Variants in STIM1 observed in about 807,000 individuals in gnomAD.
STIM1 encodes stromal interaction molecule 1.
In STIM1, 25 loss-of-function variants were observed where a neutral mutation model predicts 74.7. That is an observed-to-expected ratio of 0.33 (90% CI 0.24 to 0.47). The LOEUF (loss-of-function observed/expected upper bound fraction) is 0.47. Ranked by LOEUF, STIM1 falls within the 20% of genes least tolerant of loss-of-function variation. The probability of loss-of-function intolerance (pLI) is 1.00; values close to 1 mark genes in which losing one functional copy is unlikely to be tolerated. For missense variants in STIM1, 728 were observed against 920.8 expected (o/e 0.79, Z 2.71); for synonymous variants, 328 against 348.8 (o/e 0.94, Z 0.66).
rs533707482 is a variant in STIM1 at position 3,935,666 on chromosome 11, A to G, written c.140-31886A>G. Among the ~76,000 whole-genome samples, 150 of 152,346 alleles carry G rather than the reference A, an allele frequency of 9.8e-4. 1 individual carries two copies. Among genetic ancestry groups the G allele is most frequent in the Non-Finnish European group, 1.9e-3 (127 of 68,024 alleles). ...ATGATTCCTGTGGTTCGATTTTCCC[A>G]GTGTTAAATGCAACCTTGGCTGGAG... On this transcript the variant is annotated intron_variant, in intron 1 of 12. Coordinates refer to ENST00000526596, the MANE Select transcript of STIM1 (RefSeq NM_001382567.1).
chr11:4,046,548 T>C (rs1008051007), intron 3 of STIM1, among the ~76,000 whole-genome samples: 15 of 152,226 alleles, frequency 9.9e-5, no homozygotes, highest in Admixed American at 5.9e-4. Context: ...CATTAAGAGA[T>C]TGGAGCATTC....
At chr11:3,986,225 G>C (rs1022107739) in intron 2 of STIM1, among the ~76,000 whole-genome samples, 1 of 152,194 alleles carries the variant, frequency 6.6e-6, no homozygotes, top group African/African-American at 2.4e-5. Context: ...TGCTCTGGAA[G>C]TACAGAAAAG....
intron 2 of STIM1, chr11:3,974,198 C>T: frequency 3.9e-6 from 2 of 515,330 alleles, no homozygotes; most frequent in Non-Finnish European, 7.0e-6. Context: ...AGAACTTCTA[C>T]AGCTGTTGGG....
chr11:3,891,230 A>C (rs555423528), intron 1 of STIM1, among the ~76,000 whole-genome samples: 1 of 152,218 alleles, frequency 6.6e-6, no homozygotes, highest in African/African-American at 2.4e-5. Flanking sequence ...CTAATTAGAA[A>C]TTTCATGTTC....
chr11:4,052,608 C>A (rs1368292131), intron 3 of STIM1, among the ~76,000 whole-genome samples: 1 of 152,170 alleles, frequency 6.6e-6, no homozygotes, highest in South Asian at 2.1e-4. Context: ...TAAAAACTTA[C>A]ATGTTAGACC....
Position 4,091,341 on chromosome 11 carries a change from C to A in STIM1, c.1694C>A (p.Ala565Asp). 1 of 1,614,198 alleles carries A rather than the reference C, an allele frequency of 6.2e-7. No homozygotes were observed. The highest frequency in any genetic ancestry group is 8.5e-7 in the Non-Finnish European group (1 of 1,180,030). ...CACATGAGTGACCGCCAGCGTGTGGCCCCCAAACCTCCTCAGATGAGCCGT... is the reference window on the plus strand; with the variant it reads ...CACATGAGTGACCGCCAGCGTGTGGACCCCAAACCTCCTCAGATGAGCCGT... ...SLHMSDRQRVAPKPPQMSRAA... is the reference protein window; with the variant it reads ...SLHMSDRQRVDPKPPQMSRAA... Residue 565 changes from alanine to aspartate, a missense_variant, in exon 13 of 13, where the codon GCC becomes GAC. This residue lies in a region of STIM1 where 352 missense variants were observed against 370.1 expected (regional missense o/e 0.95). Coordinates refer to ENST00000526596, the MANE Select transcript of STIM1 (RefSeq NM_001382567.1).
chr11:4,026,547 A>G (rs2093999292), intron 3 of STIM1, among the ~76,000 whole-genome samples: 1 of 152,210 alleles, frequency 6.6e-6, no homozygotes, highest in African/African-American at 2.4e-5. Context: ...CTCACTTCAG[A>G]CATCAGCCAT....
intron 2 of STIM1, among the ~76,000 whole-genome samples, chr11:4,017,371 C>A (rs1412955612): frequency 6.6e-6 from 1 of 152,184 alleles, no homozygotes; most frequent in Non-Finnish European, 1.5e-5. Context: ...TGTTTTCTGA[C>A]CCTACTTGTT....
intron 3 of STIM1, among the ~76,000 whole-genome samples, chr11:4,041,544 T>A (rs2094147324): frequency 6.6e-6 from 1 of 152,148 alleles, no homozygotes; most frequent in Non-Finnish European, 1.5e-5. Flanking sequence ...GCCCATGGTC[T>A]TACATCTAGT....
chr11:4,052,239 A>C (rs938174739), intron 3 of STIM1, among the ~76,000 whole-genome samples: 2 of 152,236 alleles, frequency 1.3e-5, no homozygotes, highest in African/African-American at 4.8e-5. Context: ...ATTTTTTCAC[A>C]GAATTGGAAA....
intron 2 of STIM1, among the ~76,000 whole-genome samples, chr11:3,974,589 G>T (rs1182520574): frequency 2.7e-5 from 4 of 150,712 alleles, no homozygotes; most frequent in African/African-American, 9.7e-5. Context: ...TAAAAGAAAA[G>T]AAAAATATAT....
At chr11:4,079,270 G>A (rs1351789901) in intron 7 of STIM1, among the ~76,000 whole-genome samples, 1 of 151,890 alleles carries the variant, frequency 6.6e-6, no homozygotes, top group Admixed American at 6.6e-5. Flanking sequence ...TCCAGCCTGG[G>A]TGACAGAGCA....
At chr11:4,006,690 A>T (rs1190699408) in intron 2 of STIM1, among the ~76,000 whole-genome samples, 2 of 152,218 alleles carry the variant, frequency 1.3e-5, no homozygotes, top group Non-Finnish European at 2.9e-5. Context: ...CTGGGATTAC[A>T]GGTGTGAGCC....
intron 2 of STIM1, among the ~76,000 whole-genome samples, chr11:4,001,740 T>G: frequency 6.7e-6 from 1 of 150,372 alleles, no homozygotes; most frequent in Non-Finnish European, 1.5e-5. Context: ...ATAACAATAT[T>G]AACTTTAAAT....
intron 1 of STIM1, among the ~76,000 whole-genome samples, chr11:3,905,536 C>T (rs1565110047): frequency 2.0e-5 from 3 of 152,044 alleles, no homozygotes; most frequent in Admixed American, 1.3e-4. Flanking sequence ...AGCCTGCGGT[C>T]ACTAGAGCAT....
intron 2 of STIM1, among the ~76,000 whole-genome samples, chr11:3,985,143 CG>C (rs1565137076): frequency 1.3e-5 from 2 of 152,142 alleles, no homozygotes; most frequent in African/African-American, 4.8e-5. Context: ...GAAAACCCGA[CG>C]GTGGCTTGCT....
At chr11:3,939,728 T>C (rs1224126197) in intron 1 of STIM1, among the ~76,000 whole-genome samples, 1 of 152,218 alleles carries the variant, frequency 6.6e-6, no homozygotes, top group Non-Finnish European at 1.5e-5. Flanking sequence ...ATTTGTTAAA[T>C]AAATGAATGA....
chr11:3,921,624 C>A lies in STIM1; in HGVS notation c.140-45928C>A, dbSNP rs981272679. ...TGGTTTTAAAATATGTCCACAAATT[C>A]TTTGATACTCTTTCCATCAAGGGGT... On this transcript the variant is annotated intron_variant, in intron 1 of 12. Transcript: ENST00000526596. 4.6e-5 allele frequency among the ~76,000 whole-genome samples: 7 copies of A among 152,068 alleles called. No homozygotes were observed. The East Asian group carries it at 1.3e-3, about 29-fold the overall frequency.
chr11:3,968,782 G>C (rs2093364024), intron 2 of STIM1, among the ~76,000 whole-genome samples: 1 of 152,178 alleles, frequency 6.6e-6, no homozygotes, highest in African/African-American at 2.4e-5. Flanking sequence ...CTTAAGTAAT[G>C]ATGATAGTAA....
Sources: allele counts gnomAD v4.1 joint callset (sites outside exome capture counted in the v4.1 genomes callset), GRCh38; gene constraint gnomAD v4.1.1; regional missense constraint gnomAD v4.1.1; transcripts MANE v1.5; gene names NCBI Gene and HGNC (gene_info 2026-07-23, HGNC 2026-07-21).